The following NXPE2 variants were observed in gnomAD, a reference collection of about 807,000 sequenced individuals.
NXPE2 encodes NXPE family member 2.
Under a neutral mutation model 34.4 loss-of-function variants are expected in NXPE2, and 34 were observed. The observed-to-expected ratio is 0.99, with a 90% confidence interval of 0.75 to 1.31. The LOEUF is 1.31. NXPE2 is among the 40% of genes most tolerant of loss of function. NXPE2 has a pLI of 0.00. For missense variants in NXPE2, 649 were observed against 672.5 expected (o/e 0.97, Z 0.39); for synonymous variants, 235 against 231.3 (o/e 1.02, Z -0.15).
At chr11:114,595,095 T>C in the NXPE2 span, among the ~76,000 whole-genome samples, 2 of 152,168 alleles carry the variant, frequency 1.3e-5, no homozygotes, top group East Asian at 1.9e-4. Context: ...ACCTATCAGG[T>C]TCCCTGTTCT....
At chr11:114,688,178 G>A (rs1591432034) in intron 2 of NXPE2, among the ~76,000 whole-genome samples, 1 of 152,120 alleles carries the variant, frequency 6.6e-6, no homozygotes, top group African/African-American at 2.4e-5. Context: ...TAGGGAAAAT[G>A]CTTCCAGTTT....
chr11:114,549,097 AC>A, the NXPE2 span, among the ~76,000 whole-genome samples: 2 of 151,968 alleles, frequency 1.3e-5, no homozygotes, highest in East Asian at 3.9e-4. Context: ...GACCTGAGTG[AC>A]ATTAAAAAAA....
At chr11:114,566,802 T>C in the NXPE2 span, among the ~76,000 whole-genome samples, 4 of 152,202 alleles carry the variant, frequency 2.6e-5, no homozygotes, top group Admixed American at 2.6e-4. Context: ...ATTTATGTTT[T>C]CTTTTTTAAG....
chr11:114,681,381 T>G (rs1413551563), intron 2 of NXPE2, among the ~76,000 whole-genome samples: 1 of 152,230 alleles, frequency 6.6e-6, no homozygotes, highest in Non-Finnish European at 1.5e-5. Flanking sequence ...AATATGGTAC[T>G]CTACCTTCAG....
the NXPE2 span, among the ~76,000 whole-genome samples, chr11:114,773,279 A>ACCCCCCCCCCCCCCCCCC: frequency 4.3e-5 from 3 of 69,362 alleles, no homozygotes; most frequent in Admixed American, 1.6e-4. Flanking sequence ...ACCCACTCCC[A>ACCCCCCCCCCCCCCCCCC]CCCCCCCCCC....
the NXPE2 span, among the ~76,000 whole-genome samples, chr11:114,649,319 A>G: frequency 1.3e-5 from 2 of 152,240 alleles, no homozygotes; most frequent in Non-Finnish European, 2.9e-5. Context: ...GTAGCAAAAA[A>G]TTAGAGAAAA....
At chr11:114,774,180 A>G in the NXPE2 span, among the ~76,000 whole-genome samples, 1 of 152,210 alleles carries the variant, frequency 6.6e-6, no homozygotes, top group Admixed American at 6.5e-5. Context: ...TCTGAGTTTC[A>G]GTCTGGGGCT....
At chr11:114,665,775 C>A in the NXPE2 span, among the ~76,000 whole-genome samples, 3 of 152,152 alleles carry the variant, frequency 2.0e-5, no homozygotes, top group African/African-American at 7.2e-5. Flanking sequence ...TAAGACTGTG[C>A]AGGTTTAAAG....
the NXPE2 span, among the ~76,000 whole-genome samples, chr11:114,782,269 G>T: frequency 6.6e-6 from 1 of 152,164 alleles, no homozygotes; most frequent in Non-Finnish European, 1.5e-5. Flanking sequence ...TATCTATTCC[G>T]CAAGGCAGCT....
chr11:114,537,606 C>A, the NXPE2 span, among the ~76,000 whole-genome samples: 1 of 152,158 alleles, frequency 6.6e-6, no homozygotes, highest in Non-Finnish European at 1.5e-5. Context: ...AATCAATGTG[C>A]AAAAATCACG....
Position 114,681,076 on chromosome 11 carries a change from A to G in NXPE2, c.132+1314A>G, listed in dbSNP as rs938038090. 5.3e-5 allele frequency among the ~76,000 whole-genome samples: 8 copies of G among 152,218 alleles called. 1 individual carries two copies. Among genetic ancestry groups the G allele is most frequent in the African/African-American group, 1.2e-4 (5 of 41,466 alleles). The stretch of plus-strand genomic sequence containing the variant: ...AACTCCCTCCACAAGCTGATCAGCC[A>G]CTAAGTCTTATAAATCCTACCTCCA... On this transcript the variant is annotated intron_variant, in intron 2 of 5. Coordinates refer to ENST00000389586, the MANE Select transcript of NXPE2 (RefSeq NM_182495.6).
chr11:114,779,048 C>T, the NXPE2 span, among the ~76,000 whole-genome samples: 50,654 of 152,114 alleles, frequency 0.33, 9,394 homozygotes, highest in Non-Finnish European at 0.41. Context: ...CTCTCTGTAG[C>T]CATCTTTCTT....
At chr11:114,759,355 C>T in the NXPE2 span, among the ~76,000 whole-genome samples, 1 of 152,148 alleles carries the variant, frequency 6.6e-6, no homozygotes, top group Admixed American at 6.5e-5. Context: ...TGTCTCTGTA[C>T]CTCAGTCTCT....
At chr11:114,633,661 G>T in the NXPE2 span, among the ~76,000 whole-genome samples, 1,357 of 144,762 alleles carry the variant, frequency 9.4e-3, 21 homozygotes, top group African/African-American at 0.033. Flanking sequence ...TCCCCTTCCT[G>T]TGTCCATGTG....
At chr11:114,582,321 T>TA in the NXPE2 span, 1 of 1,594,216 alleles carries the variant, frequency 6.3e-7, no homozygotes, top group South Asian at 1.1e-5. Flanking sequence ...TTTGCTAAGA[T>TA]AAGAAACTTT....
downstream of NXPE2, among the ~76,000 whole-genome samples, chr11:114,709,508 A>G (rs888621778): frequency 9.2e-5 from 14 of 152,356 alleles, no homozygotes; most frequent in African/African-American, 3.4e-4. Flanking sequence ...GCTAATATAC[A>G]AGACTTGAGC....
chr11:114,591,620 T>G, the NXPE2 span, among the ~76,000 whole-genome samples: 1 of 152,180 alleles, frequency 6.6e-6, no homozygotes, highest in African/African-American at 2.4e-5. Context: ...GAGGGTATAC[T>G]TTCCAGCCCT....
the NXPE2 span, among the ~76,000 whole-genome samples, chr11:114,642,013 A>G: frequency 2.6e-5 from 4 of 152,204 alleles, no homozygotes; most frequent in African/African-American, 9.6e-5. Flanking sequence ...AAACCCAAAT[A>G]AAAAAGTAAT....
At chr11:114,708,478 C>G (rs1207722881), downstream of NXPE2, among the ~76,000 whole-genome samples, 1 of 151,840 alleles carries the variant, frequency 6.6e-6, no homozygotes, top group Non-Finnish European at 1.5e-5. Flanking sequence ...AGGATACTTC[C>G]CCTCTTAGGA....
Sources: allele counts gnomAD v4.1 joint callset (sites outside exome capture counted in the v4.1 genomes callset), GRCh38; gene constraint gnomAD v4.1.1; transcripts MANE v1.5; gene names NCBI Gene and HGNC (gene_info 2026-07-23, HGNC 2026-07-21).